RPTOR: variants seen among roughly 807,000 people sequenced by gnomAD.
The protein encoded by RPTOR is regulatory-associated protein of mTOR.
In RPTOR, 21 loss-of-function variants were observed where a neutral mutation model predicts 169.9. That is an observed-to-expected ratio of 0.12 (90% CI 0.09 to 0.18). RPTOR has a LOEUF of 0.18. Ranked by LOEUF, RPTOR falls within the 10% of genes least tolerant of loss-of-function variation. The probability of loss-of-function intolerance (pLI) is 1.00; values close to 1 mark genes in which losing one functional copy is unlikely to be tolerated. For missense variants in RPTOR, 1,133 were observed against 1,855.9 expected, an observed-to-expected ratio of 0.61 and a Z score of 7.16; for synonymous variants, 732 against 753.2, an observed-to-expected ratio of 0.97 and a Z score of 0.46.
At chr17:80,700,284 A>G (rs2066073107) in intron 3 of RPTOR, among the ~76,000 whole-genome samples, 2 of 152,194 alleles carry the variant, frequency 1.3e-5, no homozygotes, top group Non-Finnish European at 2.9e-5. Context: ...CGGGAGAAGG[A>G]CCTATTGAGT....
intron 17 of RPTOR, among the ~76,000 whole-genome samples, chr17:80,886,805 C>T (rs999046524): frequency 7.2e-5 from 11 of 152,156 alleles, no homozygotes; most frequent in South Asian, 2.1e-4. Flanking sequence ...TGCTGCCAAC[C>T]GGGACGCAGC....
intron 21 of RPTOR, among the ~76,000 whole-genome samples, chr17:80,921,060 A>G (rs1270297384): frequency 6.6e-6 from 1 of 152,256 alleles, no homozygotes; most frequent in Non-Finnish European, 1.5e-5. Flanking sequence ...GAAGGAAAGG[A>G]CAATCTGGGA....
chr17:80,781,499 A>T (rs2066941839), intron 6 of RPTOR, among the ~76,000 whole-genome samples: 1 of 152,196 alleles, frequency 6.6e-6, no homozygotes, highest in Non-Finnish European at 1.5e-5. Context: ...AGAATTTCCC[A>T]AGTCTAAAAT....
chr17:80,833,154 C>A (rs2067525572), intron 9 of RPTOR, among the ~76,000 whole-genome samples: 1 of 152,232 alleles, frequency 6.6e-6, no homozygotes. Context: ...GCTGTGCGGA[C>A]TTGGACTTGG....
chr17:80,714,992 G>A (rs147511411), intron 4 of RPTOR, among the ~76,000 whole-genome samples: 23,790 of 152,246 alleles, frequency 0.16, 2,719 homozygotes, highest in African/African-American at 0.32. Flanking sequence ...CAAAGTGCTG[G>A]GATTACAGGC....
At chr17:80,880,860 C>T (rs72857937) in intron 14 of RPTOR, among the ~76,000 whole-genome samples, 8 of 152,182 alleles carry the variant, frequency 5.3e-5, no homozygotes, top group East Asian at 1.9e-4. Flanking sequence ...AGAGTTCAGG[C>T]GCCTGGGAAG....
At chr17:80,854,773 G>A (rs555978496) in intron 11 of RPTOR, among the ~76,000 whole-genome samples, 10 of 152,250 alleles carry the variant, frequency 6.6e-5, no homozygotes, top group South Asian at 2.1e-4. Flanking sequence ...ACATACCTGC[G>A]GTCCTAGCTA....
intron 3 of RPTOR, among the ~76,000 whole-genome samples, chr17:80,678,931 G>A (rs2065878773): frequency 6.6e-6 from 1 of 152,182 alleles, no homozygotes; most frequent in African/African-American, 2.4e-5. Context: ...TGTGTGGGGT[G>A]GGGGCGATGT....
intron 11 of RPTOR, among the ~76,000 whole-genome samples, chr17:80,852,137 C>T (rs2067799624): frequency 1.3e-5 from 2 of 152,210 alleles, no homozygotes; most frequent in African/African-American, 4.8e-5. Context: ...GCTGACTTTA[C>T]ATCCGCTGGA....
At chr17:80,606,590 G>A (rs2065231062) in intron 1 of RPTOR, among the ~76,000 whole-genome samples, 1 of 152,064 alleles carries the variant, frequency 6.6e-6, no homozygotes, top group Non-Finnish European at 1.5e-5. Context: ...AGTTGATTAA[G>A]GATTTTGGGA....
intron 6 of RPTOR, among the ~76,000 whole-genome samples, chr17:80,759,409 AC>A (rs751463155): frequency 6.6e-6 from 1 of 152,182 alleles, no homozygotes; most frequent in Admixed American, 6.5e-5. Flanking sequence ...ACAAACTGAT[AC>A]AGTTACCATA....
chr17:80,833,263 A>G (rs1022249140), intron 9 of RPTOR, among the ~76,000 whole-genome samples: 10 of 152,028 alleles, frequency 6.6e-5, no homozygotes, highest in African/African-American at 2.4e-4. Flanking sequence ...CAGGCGAGTG[A>G]CTCATCAGAA....
At chr17:80,898,438 G>T (rs1462472194) in intron 20 of RPTOR, among the ~76,000 whole-genome samples, 1 of 151,994 alleles carries the variant, frequency 6.6e-6, no homozygotes, top group African/African-American at 2.4e-5. Context: ...TAACTTTTAG[G>T]CTTTGTGGAT....
chr17:80,871,267 G>A (rs567001293), intron 13 of RPTOR, among the ~76,000 whole-genome samples: 9 of 152,192 alleles, frequency 5.9e-5, no homozygotes, highest in East Asian at 5.8e-4. Context: ...CACCACGCCC[G>A]GCTAATTTTT....
At chr17:80,864,859 C>G (rs560200870) in intron 13 of RPTOR, among the ~76,000 whole-genome samples, 42 of 152,140 alleles carry the variant, frequency 2.8e-4, no homozygotes, top group Admixed American at 7.9e-4. Flanking sequence ...TTTTTCCTTA[C>G]GAGACAAGGT....
intron 13 of RPTOR, among the ~76,000 whole-genome samples, chr17:80,869,350 G>T (rs1357939336): frequency 6.6e-6 from 1 of 152,020 alleles, no homozygotes; most frequent in East Asian, 1.9e-4. Context: ...AGTGGACGAG[G>T]TTTCCCATGT....
intron 6 of RPTOR, among the ~76,000 whole-genome samples, chr17:80,763,767 A>G (rs1387056051): frequency 6.6e-6 from 1 of 152,260 alleles, no homozygotes; most frequent in Admixed American, 6.5e-5. Flanking sequence ...GGCAGACCAC[A>G]CGCAATGAAG....
chr17:80,788,110 G>A (rs376320171), intron 6 of RPTOR, among the ~76,000 whole-genome samples: 1 of 152,110 alleles, frequency 6.6e-6, no homozygotes, highest in African/African-American at 2.4e-5. Context: ...TTTTTGTCAT[G>A]CTCACACATT....
intron 21 of RPTOR, among the ~76,000 whole-genome samples, chr17:80,922,372 C>T (rs2068755903): frequency 6.6e-6 from 1 of 152,188 alleles, no homozygotes; most frequent in Admixed American, 6.5e-5. Flanking sequence ...CCGCCAGGAG[C>T]CGCCCCTCTG....
Sources: allele counts gnomAD v4.1 joint callset (sites outside exome capture counted in the v4.1 genomes callset), GRCh38; gene constraint gnomAD v4.1.1; transcripts MANE v1.5; gene names NCBI Gene and HGNC (gene_info 2026-07-23, HGNC 2026-07-21).